The following NUDCD3 variants were observed in gnomAD, a reference collection of about 807,000 sequenced individuals.
NUDCD3 encodes nudC domain-containing protein 3.
Under a neutral mutation model 39.7 loss-of-function variants are expected in NUDCD3, and 13 were observed. That is an observed-to-expected ratio of 0.33 (90% CI 0.21 to 0.52). The LOEUF (loss-of-function observed/expected upper bound fraction) is 0.52. Ranked by LOEUF, NUDCD3 falls within the 20% of genes least tolerant of loss-of-function variation. NUDCD3 has a pLI of 0.96. For missense variants in NUDCD3, 453 were observed against 458.1 expected (o/e 0.99, Z 0.10); for synonymous variants, 175 against 172.4 (o/e 1.02, Z -0.12).
chr7:44,393,732 G>A (rs549333221), intron 4 of NUDCD3, among the ~76,000 whole-genome samples: 2 of 152,210 alleles, frequency 1.3e-5, no homozygotes, highest in African/African-American at 4.8e-5. Context: ...CACAGAAAGG[G>A]AGAAAAGGTA....
chr7:44,425,367 T>C (rs535147640), intron 3 of NUDCD3, among the ~76,000 whole-genome samples: 2 of 152,134 alleles, frequency 1.3e-5, no homozygotes, highest in African/African-American at 2.4e-5. Context: ...ACTTCACAGG[T>C]TGCAGGTTCT....
At chr7:44,461,103 C>T (rs1800001241) in intron 2 of NUDCD3, among the ~76,000 whole-genome samples, 1 of 152,224 alleles carries the variant, frequency 6.6e-6, no homozygotes, top group Non-Finnish European at 1.5e-5. Flanking sequence ...CTGGACACAA[C>T]TCAAATGCTT....
At chr7:44,433,674 T>G (rs950178629) in intron 2 of NUDCD3, among the ~76,000 whole-genome samples, 24 of 152,298 alleles carry the variant, frequency 1.6e-4, no homozygotes, top group African/African-American at 5.5e-4. Context: ...TCCCTTGAAA[T>G]TCTCACCTGT....
intron 3 of NUDCD3, among the ~76,000 whole-genome samples, chr7:44,422,288 C>T (rs1563171834): frequency 6.6e-6 from 1 of 151,828 alleles, no homozygotes; most frequent in African/African-American, 2.4e-5. Flanking sequence ...TAACTAAGAT[C>T]AGAGCAGAAC....
At chr7:44,479,864 A>G (rs1800452130) in intron 2 of NUDCD3, among the ~76,000 whole-genome samples, 1 of 152,230 alleles carries the variant, frequency 6.6e-6, no homozygotes, top group Non-Finnish European at 1.5e-5. Context: ...AGAACAAGGA[A>G]AAGGATGGTC....
chr7:44,437,380 C>A (rs193064427), intron 2 of NUDCD3, among the ~76,000 whole-genome samples: 80 of 152,260 alleles, frequency 5.3e-4, no homozygotes, highest in Non-Finnish European at 9.0e-4. Context: ...TACCATTCGA[C>A]CTTTGTTTCT....
At chr7:44,402,092 C>T (rs1456656283) in intron 4 of NUDCD3, among the ~76,000 whole-genome samples, 2 of 152,254 alleles carry the variant, frequency 1.3e-5, no homozygotes, top group Non-Finnish European at 2.9e-5. Context: ...TCTCCAGAGA[C>T]TCCCGTTTCT....
intron 5 of NUDCD3, among the ~76,000 whole-genome samples, chr7:44,388,591 G>C (rs751167567): frequency 6.6e-6 from 1 of 152,252 alleles, no homozygotes; most frequent in Admixed American, 6.5e-5. Context: ...GGAAGGAGTT[G>C]AGACTTTAGC....
intron 3 of NUDCD3, among the ~76,000 whole-genome samples, chr7:44,421,528 T>C (rs1799140715): frequency 1.4e-5 from 2 of 148,066 alleles, no homozygotes; most frequent in African/African-American, 2.5e-5. Context: ...TTCTAATCTC[T>C]GATAAAACAG....
At chr7:44,418,320 A>G (rs1164015000) in intron 3 of NUDCD3, among the ~76,000 whole-genome samples, 4 of 152,220 alleles carry the variant, frequency 2.6e-5, no homozygotes, top group African/African-American at 9.6e-5. Context: ...ATAAATGCAC[A>G]TGAGACGTGT....
chr7:44,382,130 G>T lies in NUDCD3; in HGVS notation c.*3881C>A, dbSNP rs980923499. On this transcript the variant is annotated 3_prime_UTR_variant, in exon 6 of 6. Coordinates refer to ENST00000355451, the MANE Select transcript of NUDCD3 (RefSeq NM_015332.4). ...CTGTCACACCAAGGAGCCCAGCGAT[G>T]GGGGGGTTTCTTCCCTCCCTCTGAG... is the stretch of plus-strand genomic sequence containing the variant. 6.6e-6 allele frequency: 1 copy of T among 152,112 alleles called. No homozygotes were observed. The highest frequency in any genetic ancestry group is 2.4e-5 in the African/African-American group (1 of 41,404). 9.4% of individuals were successfully genotyped at this position (152,112 alleles called of 1,614,324 possible). A position where few individuals can be genotyped will look rare whatever the true frequency, so the allele number is the denominator to read the frequency against.
chr7:44,423,053 TC>T (rs1361654421), intron 3 of NUDCD3, among the ~76,000 whole-genome samples: 1 of 152,174 alleles, frequency 6.6e-6, no homozygotes, highest in Non-Finnish European at 1.5e-5. Context: ...CATGATCATC[TC>T]AAAAGATGCA....
At chr7:44,473,520 A>G (rs905013560) in intron 2 of NUDCD3, among the ~76,000 whole-genome samples, 8 of 152,206 alleles carry the variant, frequency 5.3e-5, no homozygotes, top group African/African-American at 1.7e-4. Flanking sequence ...ATCTAGTGCA[A>G]GGGTTCACAG....
At position 44,404,578 on chromosome 7, in the gene NUDCD3, T is replaced by C. The variant is rs200461961; in HGVS notation, c.648A>G (p.Ser216=). ...GAATGGAGCTGCTGCTAAGGGCCAC[T>C]GAGACCTGGGGACACAGCAGAAGAA... ...PKHVVKGKQV[S]VALSSSSIRV... is the part of the protein sequence containing the mutation. The change falls in exon 4 of 6, where the codon TCA becomes TCG. Residue 216 remains serine (S), a synonymous_variant. Coordinates refer to ENST00000355451, the MANE Select transcript of NUDCD3 (RefSeq NM_015332.4). 6 of 1,613,762 alleles carry C rather than the reference T, an allele frequency of 3.7e-6. No homozygotes were observed. In the East Asian group the frequency reaches 1.3e-4, roughly 36 times the overall value.
intron 2 of NUDCD3, among the ~76,000 whole-genome samples, chr7:44,445,926 T>C (rs894934374): frequency 5.3e-5 from 8 of 152,220 alleles, no homozygotes; most frequent in African/African-American, 1.4e-4. Context: ...CAGCCACTAG[T>C]TGGTGATACA....
chr7:44,406,437 T>C (rs1164601211), intron 3 of NUDCD3, among the ~76,000 whole-genome samples: 4 of 152,182 alleles, frequency 2.6e-5, no homozygotes, highest in African/African-American at 7.2e-5. Context: ...TCCAGACACA[T>C]GTTGGGCCAA....
chr7:44,422,379 T>G (rs1425828598), intron 3 of NUDCD3, among the ~76,000 whole-genome samples: 3 of 151,436 alleles, frequency 2.0e-5, no homozygotes, highest in African/African-American at 7.3e-5. Context: ...ATTAACAAAA[T>G]AGACCACTAA....
At chr7:44,470,141 A>G (rs1371135250) in intron 2 of NUDCD3, among the ~76,000 whole-genome samples, 1 of 152,234 alleles carries the variant, frequency 6.6e-6, no homozygotes, top group Non-Finnish European at 1.5e-5. Flanking sequence ...TTTTTGGTAG[A>G]TATGAATTAT....
rs916837532 is a variant in NUDCD3, at chr7:44,478,881, T to C, written c.509+6087A>G. ...TGGCACCAATGGAAATGTCATTGTA[T>C]TAGTCCATTCTCATGCTGCTATAAG... On this transcript the variant is annotated intron_variant, in intron 2 of 5. Coordinates refer to ENST00000355451, the MANE Select transcript of NUDCD3 (RefSeq NM_015332.4). Among the ~76,000 whole-genome samples the C allele has an allele frequency of 5.9e-5, 9 of 152,198 alleles. No individual in the cohort carries two copies. In the East Asian group the frequency reaches 1.7e-3, roughly 29 times the overall value.
Sources: gnomAD v4.1 joint callset for allele counts (sites outside exome capture counted in the v4.1 genomes callset) on GRCh38, gnomAD v4.1.1 for gene constraint, MANE v1.5 for transcripts, NCBI Gene and HGNC (gene_info 2026-07-23, HGNC 2026-07-21) for gene names.